BEAN1: variants seen among roughly 807,000 people sequenced by gnomAD.
BEAN1 encodes the protein protein BEAN1.
In BEAN1, 17 loss-of-function variants were observed where a neutral mutation model predicts 17.7. The ratio of observed to expected loss-of-function variants is 0.96; its 90% confidence interval spans 0.66 to 1.44. The LOEUF (loss-of-function observed/expected upper bound fraction) is 1.44, where lower values mean the gene tolerates loss of function less well. Among genes scored for constraint, BEAN1 ranks in the 40% most tolerant of loss-of-function variants. The probability of loss-of-function intolerance (pLI) is 0.00; values close to 1 mark genes in which losing one functional copy is unlikely to be tolerated. For synonymous variants in BEAN1, 142 were observed against 151.8 expected (o/e 0.94, Z 0.47); for missense variants, 359 against 374.1 (o/e 0.96, Z 0.33).
intron 3 of BEAN1, among the ~76,000 whole-genome samples, chr16:66,474,678 AAAGAG>A (rs984523499): frequency 1.4e-5 from 2 of 146,802 alleles, no homozygotes; most frequent in Non-Finnish European, 3.0e-5. Context: ...AAGAAAGAAG[AAAGAG>A]AAGAGAAGAA....
Position 66,481,036 on chromosome 16 carries a change from C to CTTTTTTAATG in BEAN1, c.*111_*112insTTTTTTAATG. 4 of 944,796 alleles carry CTTTTTTAATG rather than the reference C, an allele frequency of 4.2e-6. No individual in the cohort carries two copies. Among genetic ancestry groups the CTTTTTTAATG allele is most frequent in the Admixed American group, 3.1e-5 (1 of 32,300 alleles). The allele number at this position is 944,796 out of a possible 1,614,324, so 58.5% of individuals were successfully genotyped here. On this transcript the variant is annotated 3_prime_UTR_variant, in exon 5 of 5. Coordinates refer to ENST00000536005, the MANE Select transcript of BEAN1 (RefSeq NM_001178020.3). The surrounding 1 kb of genome is among the most constrained non-coding windows in gnomAD (Gnocchi z 4.1). ...ATGCACACGTGACTCATAACACACA[C>CTTTTTTAATG]ATAGACCAAACTTGTATACACACAG... is the stretch of plus-strand genomic sequence containing the variant.
chr16:66,482,901 C>T (rs553245713), downstream of BEAN1: 18 of 456,164 alleles, frequency 3.9e-5, no homozygotes, highest in South Asian at 1.4e-4. Flanking sequence ...CAGTCGCCTA[C>T]GCTGGAGTGC....
chr16:66,478,466 G>C (rs1166700714), intron 4 of BEAN1, among the ~76,000 whole-genome samples: 1 of 152,158 alleles, frequency 6.6e-6, no homozygotes, highest in Non-Finnish European at 1.5e-5. Context: ...GCCGGGCGTG[G>C]TGGCGGGCGC....
chr16:66,429,023 C>G (rs552787016), intron 1 of BEAN1, among the ~76,000 whole-genome samples: 4 of 152,284 alleles, frequency 2.6e-5, no homozygotes, highest in African/African-American at 9.6e-5. Flanking sequence ...CTGATGTCCG[C>G]TGCCCCAGAG....
At chr16:66,474,605 A>AAGGAAGGGAGGAAGGGAGGGAGG (rs1567505163) in intron 3 of BEAN1, among the ~76,000 whole-genome samples, 1 of 6,956 alleles carries the variant, frequency 1.4e-4, no homozygotes, top group Non-Finnish European at 2.3e-4. Context: ...AGGGAGGGAG[A>AAGGAAGGGAGGAAGGGAGGGAGG]GAGGGAGGGA....
At position 66,468,576 on chromosome 16, in the gene BEAN1, C is replaced by T. The variant is rs184819652; in HGVS notation, c.26-1026C>T. On this transcript the variant is annotated intron_variant, in intron 2 of 4. Coordinates refer to ENST00000536005, the MANE Select transcript of BEAN1 (RefSeq NM_001178020.3). ...CTTTGAAGCCAGATCTGGGTTCTAG[C>T]TTAGCTCTGCCGTGGAGTAACTGAG... Among the ~76,000 whole-genome samples, 701 of 152,316 alleles carry T rather than the reference C, an allele frequency of 4.6e-3. 2 individuals carry two copies. The highest frequency in any genetic ancestry group is 0.014 in the African/African-American group (582 of 41,554).
chr16:66,486,809 G>C (rs1250527325), downstream of BEAN1, among the ~76,000 whole-genome samples: 1 of 152,228 alleles, frequency 6.6e-6, no homozygotes, highest in East Asian at 1.9e-4. Context: ...CTCAGTCTGA[G>C]CGATGACCCC....
chr16:66,429,661 C>T (rs1392700997), intron 1 of BEAN1, among the ~76,000 whole-genome samples: 1 of 152,164 alleles, frequency 6.6e-6, no homozygotes, highest in African/African-American at 2.4e-5. Flanking sequence ...CACCTGGGGC[C>T]TCCTACACGG....
In BEAN1 at chr16:66,469,073, AC is replaced by A. The variant is rs572617877; in HGVS notation, c.26-527del. On this transcript the variant is annotated intron_variant, in intron 2 of 4. Transcript: ENST00000536005. ...ACCTTGGCCTTACCTCTTCTGGGAA[AC>A]CTTCTCTCATCTGATCCAAGCCCCT... Among the ~76,000 whole-genome samples, 182 of 152,070 alleles carry A rather than the reference AC, an allele frequency of 1.2e-3. 1 individual carries two copies. The highest frequency in any genetic ancestry group is 2.1e-3 in the Non-Finnish European group (142 of 67,984).
At chr16:66,431,584 T>C (rs1472169846) in intron 1 of BEAN1, among the ~76,000 whole-genome samples, 1 of 148,548 alleles carries the variant, frequency 6.7e-6, no homozygotes, top group Admixed American at 6.9e-5. Context: ...TCTTTTGCTA[T>C]GTATTAATAT....
intron 1 of BEAN1, among the ~76,000 whole-genome samples, chr16:66,430,874 CCAAAATTATAAAGTGTTTTA>C (rs1961770567): frequency 3.9e-5 from 6 of 152,164 alleles, no homozygotes; most frequent in Admixed American, 3.9e-4. Flanking sequence ...ATTGTGCCTT[CCAAAATTATAAAGTGTTTTA>C]CAAACATATG....
At chr16:66,476,617 T>C (rs1338355184) in intron 3 of BEAN1, among the ~76,000 whole-genome samples, 2 of 152,192 alleles carry the variant, frequency 1.3e-5, no homozygotes, top group Non-Finnish European at 2.9e-5. Context: ...GAAACTGGGC[T>C]GTAGAGAGCT....
rs553466760 is a variant in BEAN1 at position 66,445,586 on chromosome 16, G to GAAGA, written c.25+7886_25+7889dup. Reference sequence around the variant, plus strand: ...ACACTGGAACAGAAGTTGCTAGAGGGAAGAGAGGGAGCCATACAGGTGTCT... The same window carrying GAAGA: ...ACACTGGAACAGAAGTTGCTAGAGGGAAGAAAGAGAGGGAGCCATACAGGTGTCT... On this transcript the variant is annotated intron_variant, in intron 2 of 4. Transcript: ENST00000536005. Among the ~76,000 whole-genome samples the GAAGA allele has an allele frequency of 1.8e-4, 28 of 151,624 alleles. No individual in the cohort carries two copies. In the East Asian group the frequency reaches 4.3e-3, roughly 23 times the overall value.
At chr16:66,439,986 C>T (rs1397717562) in intron 2 of BEAN1, among the ~76,000 whole-genome samples, 2 of 152,160 alleles carry the variant, frequency 1.3e-5, no homozygotes, top group African/African-American at 4.8e-5. Flanking sequence ...GTGTCCCCTT[C>T]CAGCACCCAC....
downstream of BEAN1, chr16:66,484,583 G>C (rs966604806): frequency 2.2e-6 from 1 of 454,028 alleles, no homozygotes; most frequent in Non-Finnish European, 4.4e-6. This position sits in a 1 kb window ranked among gnomAD's most constrained non-coding sequence, Gnocchi z 4.2. Flanking sequence ...CTGCATCACA[G>C]GACGATGGAG....
intron 2 of BEAN1, among the ~76,000 whole-genome samples, chr16:66,459,699 GC>G (rs1963010760): frequency 6.6e-6 from 1 of 152,108 alleles, no homozygotes; most frequent in Non-Finnish European, 1.5e-5. Flanking sequence ...TTAGCCCCCA[GC>G]AGGCTTCTCT....
chr16:66,441,610 G>T (rs576528855), intron 2 of BEAN1, among the ~76,000 whole-genome samples: 4 of 152,300 alleles, frequency 2.6e-5, no homozygotes, highest in African/African-American at 9.6e-5. Flanking sequence ...AGCCAGAAAA[G>T]TCTGCAGAAG....
chr16:66,490,499 G>C (rs796080627), intron 4 of BEAN1, among the ~76,000 whole-genome samples: 7 of 145,752 alleles, frequency 4.8e-5, no homozygotes, highest in African/African-American at 1.7e-4. Context: ...ATCTGCCTCC[G>C]ACACTTTTCA....
chr16:66,458,808 G>A (rs964436272), intron 2 of BEAN1, among the ~76,000 whole-genome samples: 4 of 152,192 alleles, frequency 2.6e-5, no homozygotes, highest in African/African-American at 9.7e-5. Context: ...ATCCAGGTCT[G>A]CAAAAGGACC....
Sources: gnomAD v4.1 joint callset for allele counts (sites outside exome capture counted in the v4.1 genomes callset) on GRCh38, gnomAD v4.1.1 for gene constraint, Gnocchi (gnomAD v3.1) non-coding constraint, MANE v1.5 for transcripts, NCBI Gene and HGNC (gene_info 2026-07-23, HGNC 2026-07-21) for gene names.